EXOC6B: variants seen among roughly 807,000 people sequenced by gnomAD.
EXOC6B encodes SEC15 homolog B.
A neutral mutation model predicts 113.5 loss-of-function variants in EXOC6B; 54 were observed. That is an observed-to-expected ratio of 0.48 (90% confidence interval 0.38 to 0.60). The LOEUF (loss-of-function observed/expected upper bound fraction) is 0.60. Among genes scored for constraint, EXOC6B ranks in the 20% least tolerant of loss-of-function variants. The pLI is 0.00. For synonymous variants in EXOC6B, 357 were observed against 339.0 expected (o/e 1.05, Z -0.58); for missense variants, 797 against 977.5 (o/e 0.82, Z 2.46).
At chr2:72,389,243 C>G (rs1025962905) in intron 18 of EXOC6B, among the ~76,000 whole-genome samples, 18 of 151,832 alleles carry the variant, frequency 1.2e-4, no homozygotes, top group African/African-American at 3.9e-4. Context: ...CATTTAGTAT[C>G]TGAGGCTTTG....
chr2:72,464,055 T>TC (rs1278305758), intron 18 of EXOC6B: 3 of 152,124 alleles, frequency 2.0e-5, no homozygotes, highest in Non-Finnish European at 4.4e-5. Context: ...ATCTATCACC[T>TC]CCCAAGGCCT....
chr2:72,750,198 C>A (rs1681953922), intron 1 of EXOC6B, among the ~76,000 whole-genome samples: 1 of 151,784 alleles, frequency 6.6e-6, no homozygotes, highest in South Asian at 2.1e-4. Flanking sequence ...CAAAAGTGAC[C>A]ACAATTTAAA....
intron 6 of EXOC6B, among the ~76,000 whole-genome samples, chr2:72,664,695 A>G (rs994142446): frequency 3.3e-5 from 5 of 152,178 alleles, no homozygotes; most frequent in African/African-American, 1.2e-4. Flanking sequence ...TGTCTTTCCC[A>G]TGGGACTGGA....
rs1433379497 is a variant in EXOC6B at position 72,177,047 on chromosome 2, A to G, written c.*2288T>C. On this transcript the variant is annotated 3_prime_UTR_variant, in exon 22 of 22. Coordinates refer to ENST00000272427, the MANE Select transcript of EXOC6B (RefSeq NM_015189.3). Reference sequence around the variant, plus strand: ...CCTGGCCCACCAAGAGTATGTCTCTACATACAACTCAGTAGCTGCATGTTG... The same window carrying G: ...CCTGGCCCACCAAGAGTATGTCTCTGCATACAACTCAGTAGCTGCATGTTG... 1 of 152,204 alleles carries G rather than the reference A, an allele frequency of 6.6e-6. No individual in the cohort carries two copies. The highest frequency in any genetic ancestry group is 1.5e-5 in the Non-Finnish European group (1 of 68,022). The allele number at this position is 152,204 out of a possible 1,614,324, so 9.4% of individuals were successfully genotyped here. A position where few individuals can be genotyped will look rare whatever the true frequency, so the allele number is the denominator to read the frequency against.
rs1558625535 is a variant in EXOC6B at position 72,397,623 on chromosome 2, A to AT, written c.1981-17754_1981-17753insA. Among the ~76,000 whole-genome samples, 416 of 134,008 alleles carry AT rather than the reference A, an allele frequency of 3.1e-3. 3 individuals carry two copies. Among genetic ancestry groups the AT allele is most frequent in the African/African-American group, 0.014 (382 of 27,174 alleles). The allele number at this position is 134,008 out of a possible 152,430, so 87.9% of individuals were successfully genotyped here. On this transcript the variant is annotated intron_variant, in intron 18 of 21. Coordinates refer to ENST00000272427, the MANE Select transcript of EXOC6B (RefSeq NM_015189.3). The stretch of plus-strand genomic sequence containing the variant: ...GACAGGTGAAACCTCATCTCAAAAA[A>AT]AAAAAATAAAATAAAATAAAATAAA...
At chr2:72,814,046 A>C (rs184947228) in intron 1 of EXOC6B, among the ~76,000 whole-genome samples, 3,102 of 152,310 alleles carry the variant, frequency 0.02, 102 homozygotes, top group African/African-American at 0.069. Context: ...GTGCAACAAG[A>C]TGTCAGTATG....
At chr2:72,292,350 A>G (rs183618968) in intron 20 of EXOC6B, among the ~76,000 whole-genome samples, 2 of 152,226 alleles carry the variant, frequency 1.3e-5, no homozygotes, top group East Asian at 1.9e-4. Context: ...CTGTTCTGAA[A>G]TAGGCTCACA....
At position 72,207,726 on chromosome 2, in the gene EXOC6B, T is replaced by C. The variant is rs566225802; in HGVS notation, c.2197-23539A>G. On this transcript the variant is annotated intron_variant, in intron 20 of 21. Coordinates refer to ENST00000272427, the MANE Select transcript of EXOC6B (RefSeq NM_015189.3). ...GAAGTATTAGATGTTTTGATGTACA[T>C]TTGTCAAAACACTAGAGGGACTATC... Among the ~76,000 whole-genome samples the C allele has an allele frequency of 6.6e-5, 10 of 152,296 alleles. No individual in the cohort carries two copies. In the South Asian group the frequency reaches 1.9e-3, roughly 28 times the overall value.
In EXOC6B at chr2:72,728,770, A is replaced by G. The variant is rs955251735; in HGVS notation, c.464+2237T>C. On this transcript the variant is annotated intron_variant, in intron 5 of 21. Coordinates refer to ENST00000272427, the MANE Select transcript of EXOC6B (RefSeq NM_015189.3). ...ACATGGAACTGGGAACCCAGGAAATATACACAGGGAACCCAGGAAATATAA... is the reference window on the plus strand; with the variant it reads ...ACATGGAACTGGGAACCCAGGAAATGTACACAGGGAACCCAGGAAATATAA... 2.0e-5 allele frequency among the ~76,000 whole-genome samples: 3 copies of G among 152,312 alleles called. No homozygotes were observed. The South Asian group carries it at 6.2e-4, about 32-fold the overall frequency.
At chr2:72,783,029 A>G (rs1456735016) in intron 1 of EXOC6B, among the ~76,000 whole-genome samples, 2 of 152,206 alleles carry the variant, frequency 1.3e-5, no homozygotes, top group African/African-American at 4.8e-5. Flanking sequence ...TTTCCTTCCA[A>G]TAAATACACT....
intron 8 of EXOC6B, among the ~76,000 whole-genome samples, chr2:72,537,973 C>CTT (rs200117521): frequency 6.4e-5 from 9 of 140,008 alleles, no homozygotes; most frequent in East Asian, 2.1e-4. Flanking sequence ...ATGACTAAGA[C>CTT]TTTTTTTTTT....
chr2:72,619,934 C>T (rs946968405), intron 6 of EXOC6B, among the ~76,000 whole-genome samples: 1 of 152,202 alleles, frequency 6.6e-6, no homozygotes, highest in African/African-American at 2.4e-5. Context: ...AGATACCCAT[C>T]CCCTAGGACT....
Position 72,539,929 on chromosome 2 carries a change from T to C in EXOC6B, c.915+19524A>G, listed in dbSNP as rs990768724. Among the ~76,000 whole-genome samples the C allele has an allele frequency of 1.6e-4, 24 of 146,238 alleles. 1 individual carries two copies. Among genetic ancestry groups the C allele is most frequent in the Admixed American group, 1.6e-3 (24 of 14,726 alleles). Reference sequence around the variant, plus strand: ...GTCATTTAGCATTAGGTATATCTCCTAATGCTATCCCTCCCCCCTCCCCCC... The same window carrying C: ...GTCATTTAGCATTAGGTATATCTCCCAATGCTATCCCTCCCCCCTCCCCCC... On this transcript the variant is annotated intron_variant, in intron 8 of 21. Coordinates refer to ENST00000272427, the MANE Select transcript of EXOC6B (RefSeq NM_015189.3).
chr2:72,751,446 C>G (rs757939479), intron 1 of EXOC6B, among the ~76,000 whole-genome samples: 13 of 151,952 alleles, frequency 8.6e-5, no homozygotes, highest in Non-Finnish European at 1.9e-4. Flanking sequence ...CAGATGAAGC[C>G]GCCAAGTAGC....
At chr2:72,424,263 T>G (rs575268701) in intron 18 of EXOC6B, among the ~76,000 whole-genome samples, 1 of 152,260 alleles carries the variant, frequency 6.6e-6, no homozygotes, top group East Asian at 1.9e-4. Flanking sequence ...CTTGACAGTT[T>G]TATTCTTTCC....
chr2:72,362,964 A>G lies in EXOC6B; in HGVS notation c.2122+16765T>C, dbSNP rs1690411024. ...AATATGCAAAGAGAAAGCTTAGGAAATTCCAAACCCAGACACAGACTGAAT... is the reference window on the plus strand; with the variant it reads ...AATATGCAAAGAGAAAGCTTAGGAAGTTCCAAACCCAGACACAGACTGAAT... On this transcript the variant is annotated intron_variant, in intron 19 of 21. Coordinates refer to ENST00000272427, the MANE Select transcript of EXOC6B (RefSeq NM_015189.3). 2.0e-5 allele frequency among the ~76,000 whole-genome samples: 3 copies of G among 152,112 alleles called. No individual in the cohort carries two copies. The South Asian group carries it at 6.2e-4, about 32-fold the overall frequency.
chr2:72,381,675 C>T (rs1026774287), intron 18 of EXOC6B, among the ~76,000 whole-genome samples: 25 of 152,220 alleles, frequency 1.6e-4, no homozygotes, highest in South Asian at 1.2e-3. Flanking sequence ...AATGCATATG[C>T]TTATATGTGA....
At chr2:72,564,672 A>C (rs190100124) in intron 7 of EXOC6B, among the ~76,000 whole-genome samples, 45 of 152,300 alleles carry the variant, frequency 3.0e-4, no homozygotes, top group Non-Finnish European at 5.9e-4. Context: ...AAATTCAGAG[A>C]AAAGAAGGGT....
chr2:72,575,793 T>C lies in EXOC6B; in HGVS notation c.670-125A>G, dbSNP rs527988926. 2.6e-4 allele frequency: 220 copies of C among 844,474 alleles called. 2 individuals are homozygous for C. In the South Asian group the frequency reaches 5.2e-3, roughly 20 times the overall value. The allele number at this position is 844,474 out of a possible 1,614,324, so 52.3% of individuals were successfully genotyped here. A position where few individuals can be genotyped will look rare whatever the true frequency, so the allele number is the denominator to read the frequency against. On this transcript the variant is annotated intron_variant, in intron 6 of 21. Transcript: ENST00000272427. ...CAACAAACTTCTAATTTTGAACAAA[T>C]TGATATCTTAACGAAAATACTACAA...
Sources: allele counts gnomAD v4.1 joint callset (sites outside exome capture counted in the v4.1 genomes callset), GRCh38; gene constraint gnomAD v4.1.1; transcripts MANE v1.5; gene names NCBI Gene and HGNC (gene_info 2026-07-23, HGNC 2026-07-21).